Variants in CEP128 observed in about 807,000 individuals in gnomAD.
The protein encoded by CEP128 is centrosomal protein 128.
A neutral mutation model predicts 156.7 loss-of-function variants in CEP128; 132 were observed. The observed-to-expected ratio is 0.84, with a 90% CI of 0.73 to 0.97. CEP128 has a LOEUF of 0.97. Ranked by LOEUF, CEP128 falls within the 50% of genes least tolerant of loss-of-function variation. The pLI is 0.00. For synonymous variants in CEP128, 469 were observed against 448.9 expected (o/e 1.04, Z -0.57); for missense variants, 1,252 against 1,281.9 (o/e 0.98, Z 0.36).
chr14:80,784,762 T>C, intron 15 of CEP128, 133 bp downstream of exon 15: 2 of 798,410 alleles, frequency 2.5e-6, no homozygotes, highest in South Asian at 3.7e-5. Context: ...TGAATAAGCC[T>C]CTTTATTGTT....
At chr14:80,950,148 G>C (rs1458391274) in intron 2 of CEP128, among the ~76,000 whole-genome samples, 1 of 152,108 alleles carries the variant, frequency 6.6e-6, no homozygotes, top group Non-Finnish European at 1.5e-5. Flanking sequence ...TGACAGAGGA[G>C]AGATTGCAGT....
intron 21 of CEP128, among the ~76,000 whole-genome samples, chr14:80,547,149 G>A (rs932675502): frequency 6.6e-6 from 1 of 152,146 alleles, no homozygotes; most frequent in Non-Finnish European, 1.5e-5. Flanking sequence ...ATGCAATCTA[G>A]GGGCAGGCCA....
intron 19 of CEP128, among the ~76,000 whole-genome samples, chr14:80,727,213 T>A (rs181953689): frequency 6.6e-6 from 1 of 152,264 alleles, no homozygotes; most frequent in Admixed American, 6.5e-5. Flanking sequence ...AAGGTAACAA[T>A]TCTACCTAGC....
intron 2 of CEP128, among the ~76,000 whole-genome samples, chr14:80,922,645 C>T (rs894421642): frequency 1.3e-5 from 2 of 151,906 alleles, no homozygotes; most frequent in East Asian, 1.9e-4. Flanking sequence ...AGCGCAAAGA[C>T]GAATTATTAA....
intron 14 of CEP128, among the ~76,000 whole-genome samples, chr14:80,484,761 C>T (rs1240630816): frequency 6.6e-6 from 1 of 151,556 alleles, no homozygotes; most frequent in Non-Finnish European, 1.5e-5. Flanking sequence ...TTCTTTTTTT[C>T]CAGTTCACTT....
At position 80,831,298 on chromosome 14, in the gene CEP128, A is replaced by G. The variant is rs1885782737; in HGVS notation, c.1058-4T>C. The G allele has an allele frequency of 1.9e-6, 3 of 1,613,824 alleles. No individual in the cohort carries two copies. Among genetic ancestry groups the G allele is most frequent in the Non-Finnish European group, 2.5e-6 (3 of 1,179,828 alleles). ...TCCTGTTTTTCCCGCTCAACCCCTTAAAAGATAAAATGTAAGGCTCAAGGG... is the reference window on the plus strand; with the variant it reads ...TCCTGTTTTTCCCGCTCAACCCCTTGAAAGATAAAATGTAAGGCTCAAGGG... On this transcript the variant is annotated splice_region_variant and splice_polypyrimidine_tract_variant and intron_variant, in intron 12 of 24. Transcript: ENST00000555265.
At chr14:80,859,392 T>A (rs1206003233) in intron 9 of CEP128, among the ~76,000 whole-genome samples, 3 of 99,968 alleles carry the variant, frequency 3.0e-5, no homozygotes, top group South Asian at 3.6e-4. Flanking sequence ...CTCTGGGGAC[T>A]GTTGTGGGGT....
At chr14:80,766,188 C>T (rs1016677690) in intron 16 of CEP128, among the ~76,000 whole-genome samples, 1 of 152,120 alleles carries the variant, frequency 6.6e-6, no homozygotes, top group Non-Finnish European at 1.5e-5. Flanking sequence ...CAAAAGTGTG[C>T]TAATCACACA....
chr14:80,494,439 G>C (rs1208508356), downstream of CEP128, among the ~76,000 whole-genome samples: 1 of 152,166 alleles, frequency 6.6e-6, no homozygotes, highest in Non-Finnish European at 1.5e-5. Context: ...TGCATTTAGA[G>C]TAAGAACAAA....
intron 10 of CEP128, among the ~76,000 whole-genome samples, chr14:80,839,822 C>A (rs1886265949): frequency 6.6e-6 from 1 of 151,752 alleles, no homozygotes; most frequent in Non-Finnish European, 1.5e-5. Flanking sequence ...TCACAGAATC[C>A]ACATAAAATA....
intron 19 of CEP128, among the ~76,000 whole-genome samples, chr14:80,647,086 T>TACAC (rs1566831664): frequency 9.4e-5 from 7 of 74,356 alleles, no homozygotes; most frequent in East Asian, 4.6e-4. Context: ...TATATATATA[T>TACAC]ACACCCTTAT....
At chr14:80,890,624 T>C (rs1256368791) in intron 8 of CEP128, among the ~76,000 whole-genome samples, 2 of 151,858 alleles carry the variant, frequency 1.3e-5, no homozygotes, top group Non-Finnish European at 2.9e-5. Flanking sequence ...TGGGGCCTGT[T>C]GCAGGGTGAG....
At chr14:80,955,667 G>T (rs1284613177) in intron 2 of CEP128, 1 of 1,613,606 alleles carries the variant, frequency 6.2e-7, no homozygotes, top group Non-Finnish European at 8.5e-7. Context: ...AAATAGCCCC[G>T]AGTCCCGTGG....
At chr14:80,590,404 T>C (rs1300236253) in intron 19 of CEP128, among the ~76,000 whole-genome samples, 3 of 151,946 alleles carry the variant, frequency 2.0e-5, no homozygotes, top group Non-Finnish European at 4.4e-5. Context: ...AGAATAATAA[T>C]AAAATGCTCA....
intron 13 of CEP128, among the ~76,000 whole-genome samples, chr14:80,828,043 C>T (rs1885572580): frequency 6.6e-6 from 1 of 152,030 alleles, no homozygotes; most frequent in Non-Finnish European, 1.5e-5. Flanking sequence ...CCAAAGTTCA[C>T]TCTGTCTTGG....
chr14:80,628,141 G>A (rs1270355902), intron 19 of CEP128, among the ~76,000 whole-genome samples: 2 of 152,144 alleles, frequency 1.3e-5, no homozygotes, highest in Non-Finnish European at 2.9e-5. Context: ...AACCTCCAAA[G>A]GGAAATTTCT....
chr14:80,513,245 C>A (rs1888339808), intron 23 of CEP128, among the ~76,000 whole-genome samples: 1 of 152,140 alleles, frequency 6.6e-6, no homozygotes, highest in Non-Finnish European at 1.5e-5. Context: ...CCTGGATACA[C>A]TATTCTAGCA....
intron 19 of CEP128, among the ~76,000 whole-genome samples, chr14:80,585,413 T>A (rs908979995): frequency 1.3e-5 from 2 of 152,200 alleles, no homozygotes; most frequent in Admixed American, 6.5e-5. Flanking sequence ...TTTTCAAAGG[T>A]GAGTCATGTC....
intron 19 of CEP128, among the ~76,000 whole-genome samples, chr14:80,651,917 T>C (rs1566834931): frequency 6.6e-6 from 1 of 152,144 alleles, no homozygotes; most frequent in Non-Finnish European, 1.5e-5. Context: ...GAGAGTTCTG[T>C]AGATATCTAT....
Sources: allele counts gnomAD v4.1 joint callset (sites outside exome capture counted in the v4.1 genomes callset), GRCh38; gene constraint gnomAD v4.1.1; transcripts MANE v1.5; gene names NCBI Gene and HGNC (gene_info 2026-07-23, HGNC 2026-07-21).